Variants in NXPE4 observed in about 807,000 individuals in gnomAD.
The protein encoded by NXPE4 is neurexophilin and PC-esterase domain family member 4.
Under a neutral mutation model 33.3 loss-of-function variants are expected in NXPE4, and 42 were observed. The observed-to-expected ratio is 1.26, with a 90% CI of 0.98 to 1.63. The LOEUF (loss-of-function observed/expected upper bound fraction) is 1.63, where lower values mean the gene tolerates loss of function less well. Ranked by LOEUF, NXPE4 falls within the 40% of genes most tolerant of loss-of-function variation. The probability of loss-of-function intolerance (pLI) is 0.00; values close to 1 mark genes in which losing one functional copy is unlikely to be tolerated. For synonymous variants in NXPE4, 253 were observed against 234.9 expected (o/e 1.08, Z -0.71); for missense variants, 709 against 647.6 (o/e 1.09, Z -1.03).
At chr11:114,622,490 G>A in the NXPE4 span, among the ~76,000 whole-genome samples, 3 of 152,040 alleles carry the variant, frequency 2.0e-5, no homozygotes, top group Non-Finnish European at 2.9e-5. Flanking sequence ...GATAACCACT[G>A]TTACCAAGTG....
At chr11:114,647,635 TG>T in the NXPE4 span, among the ~76,000 whole-genome samples, 2 of 152,128 alleles carry the variant, frequency 1.3e-5, no homozygotes, top group African/African-American at 4.8e-5. Flanking sequence ...GGATTATATA[TG>T]GTTATTTATT....
At chr11:114,580,542 T>C (rs1949118867) in intron 4 of NXPE4, among the ~76,000 whole-genome samples, 1 of 152,160 alleles carries the variant, frequency 6.6e-6, no homozygotes, top group African/African-American at 2.4e-5. Context: ...TAAATAATGT[T>C]CATTAATGTT....
chr11:114,608,202 G>C, the NXPE4 span, among the ~76,000 whole-genome samples: 1 of 151,298 alleles, frequency 6.6e-6, no homozygotes, highest in Non-Finnish European at 1.5e-5. Context: ...ATGGTTACCC[G>C]GTGGATAATA....
chr11:114,590,184 G>C (rs1423039103), intron 2 of NXPE4, among the ~76,000 whole-genome samples: 2 of 152,162 alleles, frequency 1.3e-5, no homozygotes, highest in Non-Finnish European at 2.9e-5. Context: ...GCAATATGTG[G>C]ATGATATACT....
the NXPE4 span, among the ~76,000 whole-genome samples, chr11:114,661,444 G>A: frequency 6.6e-6 from 1 of 152,146 alleles, no homozygotes; most frequent in African/African-American, 2.4e-5. Context: ...TAGGATCCAT[G>A]GTGAGCCAGC....
the NXPE4 span, among the ~76,000 whole-genome samples, chr11:114,618,956 G>T: frequency 1.3e-5 from 2 of 151,708 alleles, no homozygotes; most frequent in Non-Finnish European, 2.9e-5. Context: ...AAGTAGTACC[G>T]CATGGGTAAA....
chr11:114,583,113 A>G (rs1306780912), intron 2 of NXPE4, 92 bp from the exon 3 acceptor site: 31 of 1,335,826 alleles, frequency 2.3e-5, no homozygotes, highest in South Asian at 1.0e-4. Flanking sequence ...TGAAATTAAC[A>G]TGTTCCTAGT....
chr11:114,676,363 A>C, the NXPE4 span, among the ~76,000 whole-genome samples: 2 of 151,620 alleles, frequency 1.3e-5, no homozygotes, highest in African/African-American at 4.9e-5. Flanking sequence ...ACATCTGATA[A>C]GGAATTAATA....
At chr11:114,661,447 G>A in the NXPE4 span, among the ~76,000 whole-genome samples, 1 of 152,136 alleles carries the variant, frequency 6.6e-6, no homozygotes, top group South Asian at 2.1e-4. Context: ...GATCCATGGT[G>A]AGCCAGCCTC....
chr11:114,632,139 AATTT>A, the NXPE4 span, among the ~76,000 whole-genome samples: 1 of 143,810 alleles, frequency 7.0e-6, no homozygotes, highest in South Asian at 2.1e-4. Flanking sequence ...AATATATTAT[AATTT>A]ATTATGTTAT....
the NXPE4 span, among the ~76,000 whole-genome samples, chr11:114,652,490 T>C: frequency 6.6e-6 from 1 of 152,214 alleles, no homozygotes; most frequent in Non-Finnish European, 1.5e-5. Flanking sequence ...AATTCTCTAC[T>C]ATATAATGAG....
rs1210094362 is a variant in NXPE4, at chr11:114,570,765, C to T, written c.*173G>A. 7.6e-6 allele frequency: 4 copies of T among 525,308 alleles called. No homozygotes were observed. Among genetic ancestry groups the T allele is most frequent in the African/African-American group, 3.9e-5 (2 of 51,762 alleles). 32.5% of individuals were successfully genotyped at this position (525,308 alleles called of 1,614,324 possible). A position where few individuals can be genotyped will look rare whatever the true frequency, so the allele number is the denominator to read the frequency against. On this transcript the variant is annotated 3_prime_UTR_variant, in exon 6 of 6. Transcript: ENST00000375478. The stretch of plus-strand genomic sequence containing the variant: ...TTTTAGTTTTATTTTTAAGTGGAAG[C>T]CCAGATTAGAAACATCTCATTTAGC...
At chr11:114,620,192 G>A in the NXPE4 span, among the ~76,000 whole-genome samples, 3 of 151,880 alleles carry the variant, frequency 2.0e-5, no homozygotes, top group Non-Finnish European at 2.9e-5. Flanking sequence ...ACCATTACCC[G>A]CTGGATACTA....
intron 2 of NXPE4, among the ~76,000 whole-genome samples, chr11:114,586,399 C>G (rs1000388872): frequency 3.9e-5 from 6 of 152,082 alleles, no homozygotes; most frequent in African/African-American, 1.4e-4. Context: ...GAAGTGGACC[C>G]CAACTCCTTC....
intron 5 of NXPE4, among the ~76,000 whole-genome samples, 177 bp from the exon 6 acceptor site, chr11:114,571,650 G>T (rs545479291): frequency 6.6e-6 from 1 of 152,230 alleles, no homozygotes; most frequent in Non-Finnish European, 1.5e-5. Flanking sequence ...AAAGTGTTAC[G>T]TAGCATCTTG....
chr11:114,637,348 C>G, the NXPE4 span, among the ~76,000 whole-genome samples: 1 of 151,794 alleles, frequency 6.6e-6, no homozygotes, highest in African/African-American at 2.4e-5. Context: ...ATTTTGAGCC[C>G]ATGTGTGTCT....
At chr11:114,575,614 A>G (rs1948979616) in intron 5 of NXPE4, among the ~76,000 whole-genome samples, 1 of 152,024 alleles carries the variant, frequency 6.6e-6, no homozygotes, top group Non-Finnish European at 1.5e-5. Flanking sequence ...AAAATAAAAT[A>G]AAATAAAAAC....
chr11:114,571,130 G>A lies in NXPE4; in HGVS notation c.1443C>T (p.Tyr481=), dbSNP rs1022810453. The change falls in exon 6 of 6, where the codon TAC becomes TAT. Residue 481 remains tyrosine (Y), a synonymous_variant. Coordinates refer to ENST00000375478, the MANE Select transcript of NXPE4 (RefSeq NM_001077639.2). The part of the protein sequence containing the change: ...IIKTENIREM[Y]NDAERFSDFH... ...AGTCACTAAATCTTTCTGCATCATTGTACATCTCCCTGATGTTTTCTGTTT... is the reference window on the plus strand; with the variant it reads ...AGTCACTAAATCTTTCTGCATCATTATACATCTCCCTGATGTTTTCTGTTT... 2.5e-6 allele frequency: 4 copies of A among 1,613,824 alleles called. No homozygotes were observed. Among genetic ancestry groups the A allele is most frequent in the Non-Finnish European group, 3.4e-6 (4 of 1,179,862 alleles).
the NXPE4 span, among the ~76,000 whole-genome samples, chr11:114,644,862 G>A: frequency 6.6e-6 from 1 of 151,966 alleles, no homozygotes; most frequent in Non-Finnish European, 1.5e-5. Context: ...TGTAGCATTT[G>A]CATAGCTATA....
Sources: allele counts gnomAD v4.1 joint callset (sites outside exome capture counted in the v4.1 genomes callset), GRCh38; gene constraint gnomAD v4.1.1; transcripts MANE v1.5; gene names NCBI Gene and HGNC (gene_info 2026-07-23, HGNC 2026-07-21).